The following RBM27 variants were observed in gnomAD, a reference collection of about 807,000 sequenced individuals.
RBM27 encodes RNA binding motif protein 27.
Under a neutral mutation model 135.3 loss-of-function variants are expected in RBM27, and 22 were observed. The ratio of observed to expected loss-of-function variants is 0.16; its 90% CI spans 0.12 to 0.23. RBM27 has a LOEUF of 0.23. Among genes scored for constraint, RBM27 ranks in the 10% least tolerant of loss-of-function variants. The pLI is 1.00. For missense variants in RBM27, 1,009 were observed against 1,281.0 expected, an observed-to-expected ratio of 0.79 and a Z score of 3.24; for synonymous variants, 481 against 442.4, an observed-to-expected ratio of 1.09 and a Z score of -1.10.
Position 146,223,665 on chromosome 5 carries a change from A to G in RBM27, c.303+138A>G. On this transcript the variant is annotated intron_variant, in intron 3 of 20. Transcript: ENST00000265271. ...ATTTTAGGCATGGTACAGATTCTTCATCAGGATTTCATAGTTGCTTGGACT... is the reference window on the plus strand; with the variant it reads ...ATTTTAGGCATGGTACAGATTCTTCGTCAGGATTTCATAGTTGCTTGGACT... The G allele has an allele frequency of 4.1e-6, 4 of 978,188 alleles. 1 individual carries two copies. Among genetic ancestry groups the G allele is most frequent in the East Asian group, 5.8e-5 (2 of 34,742 alleles). The allele number at this position is 978,188 out of a possible 1,614,324, so 60.6% of individuals were successfully genotyped here. A position where few individuals can be genotyped will look rare whatever the true frequency, so the allele number is the denominator to read the frequency against.
chr5:146,283,233 T>TA (rs1279802194), intron 19 of RBM27, among the ~76,000 whole-genome samples: 1 of 152,220 alleles, frequency 6.6e-6, no homozygotes, highest in Non-Finnish European at 1.5e-5. Flanking sequence ...GTACATTACC[T>TA]AATTTTTAAA....
intron 8 of RBM27, among the ~76,000 whole-genome samples, chr5:146,250,362 A>G (rs1757827188): frequency 6.9e-6 from 1 of 145,720 alleles, no homozygotes; most frequent in Non-Finnish European, 1.5e-5. Context: ...AATGGCGTGA[A>G]CCCGGGAGAC....
intron 9 of RBM27, among the ~76,000 whole-genome samples, 153 bp downstream of exon 9, chr5:146,252,028 TTG>T (rs1330390581): frequency 2.0e-5 from 3 of 152,194 alleles, no homozygotes; most frequent in Non-Finnish European, 4.4e-5. Context: ...CTTCTTTGGT[TTG>T]TCTCTAGTGG....
chr5:146,207,658 C>CTT (rs1224104910), intron 1 of RBM27, among the ~76,000 whole-genome samples: 19 of 128,984 alleles, frequency 1.5e-4, no homozygotes, highest in Non-Finnish European at 2.4e-4. Context: ...GGAGATATTT[C>CTT]TTTTTTTTTT....
intron 15 of RBM27, 93 bp downstream of exon 15, chr5:146,267,861 C>A: frequency 8.0e-7 from 1 of 1,244,166 alleles, no homozygotes; most frequent in Non-Finnish European, 1.1e-6. Flanking sequence ...TTCATGTTGG[C>A]AGGGCATAAC....
intron 11 of RBM27, 112 bp from the exon 12 acceptor site, chr5:146,260,633 C>A: frequency 1.2e-6 from 1 of 811,774 alleles, no homozygotes; most frequent in Non-Finnish European, 1.9e-6. Context: ...GCCACCATGC[C>A]CAGCCACAAA....
At chr5:146,264,209 G>C (rs1279143651) in intron 14 of RBM27, among the ~76,000 whole-genome samples, 1 of 152,008 alleles carries the variant, frequency 6.6e-6, no homozygotes, top group Admixed American at 6.5e-5. Flanking sequence ...TTGAGACAGA[G>C]TTTTGCTCTT....
At chr5:146,218,326 A>G (rs916858202) in intron 1 of RBM27, among the ~76,000 whole-genome samples, 5 of 152,150 alleles carry the variant, frequency 3.3e-5, no homozygotes, top group African/African-American at 1.2e-4. Flanking sequence ...AAAAAATGAG[A>G]AGTAGATAAA....
intron 3 of RBM27, among the ~76,000 whole-genome samples, chr5:146,227,608 A>G (rs1291277595): frequency 6.6e-6 from 1 of 152,182 alleles, no homozygotes; most frequent in Admixed American, 6.6e-5. Flanking sequence ...TAAAGACTAT[A>G]TATTCGGTTT....
chr5:146,226,971 C>A (rs1381114305), intron 3 of RBM27, among the ~76,000 whole-genome samples: 1 of 152,198 alleles, frequency 6.6e-6, no homozygotes, highest in Non-Finnish European at 1.5e-5. Flanking sequence ...TCTGAGGTGG[C>A]ACACATCTTT....
At chr5:146,212,411 T>C (rs1282315928) in intron 1 of RBM27, among the ~76,000 whole-genome samples, 1 of 152,100 alleles carries the variant, frequency 6.6e-6, no homozygotes, top group Non-Finnish European at 1.5e-5. Context: ...TGCAGTGGCA[T>C]GGTCATAGCT....
At chr5:146,248,511 G>A (rs977514850) in intron 8 of RBM27, among the ~76,000 whole-genome samples, 1 of 152,162 alleles carries the variant, frequency 6.6e-6, no homozygotes, top group African/African-American at 2.4e-5. Context: ...TGTTACCCAG[G>A]CTGGAGTGCA....
Position 146,261,744 on chromosome 5 carries a change from C to A in RBM27, c.2128C>A (p.His710Asn), listed in dbSNP as rs1212128621. The change falls in exon 13 of 21, where the codon CAT (histidine) becomes AAT (asparagine). Residue 710 changes from histidine (H) to asparagine (N), a missense_variant. His to Asn is a moderately conservative substitution (Grantham distance 68). Transcript: ENST00000265271. Reference sequence around the variant, plus strand: ...GCACCATCACCTGCCACAGCATCTACATCAGCAGCAGGTGCTAGTGGCCCA... The same window carrying A: ...GCACCATCACCTGCCACAGCATCTAAATCAGCAGCAGGTGCTAGTGGCCCA... ...QQHHHLPQHL[H>N]QQQVLVAQSA... 6.2e-7 allele frequency: 1 copy of A among 1,614,198 alleles called. No individual in the cohort carries two copies. Among genetic ancestry groups the A allele is most frequent in the South Asian group, 1.1e-5 (1 of 91,084 alleles).
At chr5:146,268,245 C>CT (rs35589922) in intron 15 of RBM27, among the ~76,000 whole-genome samples, 30,839 of 142,214 alleles carry the variant, frequency 0.22, 3,911 homozygotes, top group Admixed American at 0.33. Context: ...TTTCTTATTT[C>CT]TTTTTTTTTT....
intron 1 of RBM27, among the ~76,000 whole-genome samples, chr5:146,208,819 T>C (rs2126671166): frequency 6.6e-6 from 1 of 152,336 alleles, no homozygotes; most frequent in South Asian, 2.1e-4. Flanking sequence ...CAAAACATGT[T>C]GTATTTAATG....
rs368770296 is a variant in RBM27, at chr5:146,208,322, A to G, written c.59+4498A>G. Among the ~76,000 whole-genome samples, 41 of 152,306 alleles carry G rather than the reference A, an allele frequency of 2.7e-4. No individual in the cohort carries two copies. In the East Asian group the frequency reaches 2.9e-3, roughly 11 times the overall value. On this transcript the variant is annotated intron_variant, in intron 1 of 20. Transcript: ENST00000265271. ...TCCCTATGGACAAGTTAGGAATGTC[A>G]TGGGCTATTAGAGCTTATCTGTTAC...
In RBM27 at chr5:146,263,349, A is replaced by T; in HGVS notation, c.2191-142A>T. ...TGTATATTCACCAGTTCCCCTTAAAAAATAAAACCTTACGGATAATTGAAG... is the reference window on the plus strand; with the variant it reads ...TGTATATTCACCAGTTCCCCTTAAATAATAAAACCTTACGGATAATTGAAG... On this transcript the variant is annotated intron_variant, in intron 13 of 20. Transcript: ENST00000265271. 6 of 775,172 alleles carry T rather than the reference A, an allele frequency of 7.7e-6. 1 individual carries two copies. Among genetic ancestry groups the T allele is most frequent in the Non-Finnish European group, 1.2e-5 (6 of 498,584 alleles). The allele number at this position is 775,172 out of a possible 1,614,324, so 48.0% of individuals were successfully genotyped here.
intron 1 of RBM27, among the ~76,000 whole-genome samples, chr5:146,218,127 G>A (rs1756292447): frequency 6.6e-6 from 1 of 150,802 alleles, no homozygotes; most frequent in South Asian, 2.1e-4. Flanking sequence ...TCATCAGGAA[G>A]CCTAGAATAT....
At chr5:146,228,599 T>C (rs961703696) in intron 3 of RBM27, among the ~76,000 whole-genome samples, 5 of 151,556 alleles carry the variant, frequency 3.3e-5, no homozygotes, top group African/African-American at 7.3e-5. Flanking sequence ...ACCATTCTTA[T>C]TTTGTTTTTT....
Sources: gnomAD v4.1 joint callset for allele counts (sites outside exome capture counted in the v4.1 genomes callset) on GRCh38, gnomAD v4.1.1 for gene constraint, MANE v1.5 for transcripts, NCBI Gene and HGNC (gene_info 2026-07-23, HGNC 2026-07-21) for gene names.